GFRAL: variants seen among roughly 807,000 people sequenced by gnomAD.
The protein encoded by GFRAL is GDNF family receptor alpha like.
In GFRAL, 36 loss-of-function variants were observed where a neutral mutation model predicts 45.4. The observed-to-expected ratio is 0.79, with a 90% CI of 0.61 to 1.05. GFRAL has a LOEUF of 1.05. Ranked by LOEUF, GFRAL falls within the 50% of genes least tolerant of loss-of-function variation. The pLI is 0.00. For missense variants in GFRAL, 507 were observed against 467.5 expected, an observed-to-expected ratio of 1.08 and a Z score of -0.78; for synonymous variants, 166 against 154.1, an observed-to-expected ratio of 1.08 and a Z score of -0.57.
At chr6:55,336,542 T>G (rs1441927266) in intron 3 of GFRAL, among the ~76,000 whole-genome samples, 1 of 152,190 alleles carries the variant, frequency 6.6e-6, no homozygotes, top group Non-Finnish European at 1.5e-5. Flanking sequence ...TTTCTATTGA[T>G]TATAGTGATT....
intron 6 of GFRAL, among the ~76,000 whole-genome samples, chr6:55,373,386 G>A (rs1375556869): frequency 6.6e-6 from 1 of 152,158 alleles, no homozygotes; most frequent in Non-Finnish European, 1.5e-5. Context: ...TTGAAGGACT[G>A]AAAGTTGTTT....
chr6:55,344,219 G>C (rs999499946), intron 3 of GFRAL, among the ~76,000 whole-genome samples: 2 of 152,124 alleles, frequency 1.3e-5, no homozygotes, highest in Non-Finnish European at 2.9e-5. Context: ...AACAAAGCCT[G>C]GCAAAGACAC....
chr6:55,378,097 G>A (rs972557767), intron 6 of GFRAL, among the ~76,000 whole-genome samples: 3 of 152,120 alleles, frequency 2.0e-5, no homozygotes, highest in Admixed American at 6.6e-5. Context: ...CCTCAAACTC[G>A]CATACAGTGT....
At chr6:55,350,269 T>C (rs142223364) in intron 4 of GFRAL, 124 bp downstream of exon 4, 7,161 of 603,812 alleles carry the variant, frequency 0.012, 67 homozygotes, top group Non-Finnish European at 0.017. Flanking sequence ...AGTTCTAATA[T>C]AATAAAATGC....
rs115169387 is a variant in GFRAL, at chr6:55,351,088, G to T, written c.371-165G>T. ...TGATTCCAATAAGTCTACGATTTAGGTCTCAGTAAATTCATACTTACTCTA... is the reference window on the plus strand; with the variant it reads ...TGATTCCAATAAGTCTACGATTTAGTTCTCAGTAAATTCATACTTACTCTA... On this transcript the variant is annotated intron_variant, in intron 4 of 8. Transcript: ENST00000340465. Among the ~76,000 whole-genome samples, 854 of 152,170 alleles carry T rather than the reference G, an allele frequency of 5.6e-3. 5 individuals carry two copies. Among genetic ancestry groups the T allele is most frequent in the African/African-American group, 0.019 (786 of 41,540 alleles).
chr6:55,332,485 TCTCGGCTCACTGCAAC>T (rs1210197588), intron 2 of GFRAL, among the ~76,000 whole-genome samples: 4 of 152,094 alleles, frequency 2.6e-5, no homozygotes, highest in African/African-American at 7.2e-5. Flanking sequence ...AGCTGCGTGA[TCTCGGCTCACTGCAAC>T]CTCCGCCTCC....
At chr6:55,394,366 T>C (rs1768794224) in intron 6 of GFRAL, among the ~76,000 whole-genome samples, 1 of 152,064 alleles carries the variant, frequency 6.6e-6, no homozygotes, top group Non-Finnish European at 1.5e-5. Context: ...CTGAATCTTA[T>C]TAAAGGGAAG....
intron 6 of GFRAL, among the ~76,000 whole-genome samples, chr6:55,389,493 G>A (rs553885885): frequency 2.6e-4 from 39 of 152,174 alleles, no homozygotes; most frequent in Admixed American, 1.2e-3. Context: ...AATAGCTCCT[G>A]TTGTATGTTT....
chr6:55,370,806 A>G (rs1477837765), intron 6 of GFRAL, among the ~76,000 whole-genome samples: 1 of 152,216 alleles, frequency 6.6e-6, no homozygotes, highest in Non-Finnish European at 1.5e-5. Flanking sequence ...CTCTGCAGTC[A>G]TTGTCGAAAT....
At chr6:55,356,528 C>T (rs72972833) in intron 5 of GFRAL, among the ~76,000 whole-genome samples, 24,763 of 151,736 alleles carry the variant, frequency 0.16, 2,335 homozygotes, top group African/African-American at 0.25. Context: ...AATGATCCTT[C>T]GAATTTCTGT....
At chr6:55,361,273 G>A (rs1026855284) in intron 6 of GFRAL, among the ~76,000 whole-genome samples, 3 of 151,910 alleles carry the variant, frequency 2.0e-5, no homozygotes, top group African/African-American at 7.2e-5. Flanking sequence ...TGGTAGAATT[G>A]TCCCTTGGTA....
intron 1 of GFRAL, among the ~76,000 whole-genome samples, chr6:55,330,575 A>G (rs1481582400): frequency 1.3e-5 from 2 of 152,190 alleles, no homozygotes; most frequent in Admixed American, 6.5e-5. Flanking sequence ...TCCAGAAGAA[A>G]AAGAAAGAAA....
chr6:55,398,323 T>G (rs1321308860), intron 6 of GFRAL, among the ~76,000 whole-genome samples: 1 of 152,218 alleles, frequency 6.6e-6, no homozygotes, highest in African/African-American at 2.4e-5. Context: ...GCAACCTCTC[T>G]AAAATGGGAG....
intron 6 of GFRAL, among the ~76,000 whole-genome samples, chr6:55,365,002 G>A (rs987540816): frequency 6.0e-5 from 9 of 149,256 alleles, no homozygotes; most frequent in African/African-American, 2.2e-4. Context: ...TGATGGGGAT[G>A]GCATTGAATC....
intron 3 of GFRAL, among the ~76,000 whole-genome samples, chr6:55,347,156 A>G (rs1438084951): frequency 2.0e-5 from 3 of 152,160 alleles, no homozygotes; most frequent in African/African-American, 7.2e-5. Flanking sequence ...TATAGGCTGG[A>G]AAGAGTCTAT....
At chr6:55,349,657 G>A (rs921539190) in intron 3 of GFRAL, among the ~76,000 whole-genome samples, 1 of 151,994 alleles carries the variant, frequency 6.6e-6, no homozygotes, top group Non-Finnish European at 1.5e-5. Flanking sequence ...GATAATCAGA[G>A]GTGAAACTGG....
intron 4 of GFRAL, among the ~76,000 whole-genome samples, chr6:55,350,532 A>G (rs1356342413): frequency 6.6e-6 from 1 of 151,842 alleles, no homozygotes. Context: ...CAAAACAAAA[A>G]CAAAAACAAA....
intron 6 of GFRAL, among the ~76,000 whole-genome samples, chr6:55,361,714 C>G (rs1319426000): frequency 6.6e-6 from 1 of 151,968 alleles, no homozygotes. Context: ...GAAAGTAGCA[C>G]AAGGACATTT....
intron 3 of GFRAL, among the ~76,000 whole-genome samples, chr6:55,337,852 A>T (rs1172845659): frequency 6.6e-6 from 1 of 151,862 alleles, no homozygotes; most frequent in Non-Finnish European, 1.5e-5. Flanking sequence ...TTGTTTCTTT[A>T]TGTGTATGTC....
Sources: gnomAD v4.1 joint callset for allele counts (sites outside exome capture counted in the v4.1 genomes callset) on GRCh38, gnomAD v4.1.1 for gene constraint, MANE v1.5 for transcripts, NCBI Gene and HGNC (gene_info 2026-07-23, HGNC 2026-07-21) for gene names.